TMEM131: variants seen among roughly 807,000 people sequenced by gnomAD.
TMEM131 encodes 2610524E03Rik.
TMEM131 carries 66 observed loss-of-function variants against 211.6 expected under a neutral mutation model. The observed-to-expected ratio is 0.31, with a 90% CI of 0.26 to 0.38. The LOEUF is 0.38. Among genes scored for constraint, TMEM131 ranks in the 10% least tolerant of loss-of-function variants. The pLI is 1.00. For synonymous variants in TMEM131, 844 were observed against 841.3 expected (o/e 1.00, Z -0.06); for missense variants, 2,036 against 2,299.3 (o/e 0.89, Z 2.34).
chr2:97,987,604 T>C (rs1372162895), intron 1 of TMEM131, among the ~76,000 whole-genome samples: 1 of 152,184 alleles, frequency 6.6e-6, no homozygotes, highest in Non-Finnish European at 1.5e-5. Context: ...CGAAATACCT[T>C]AAGTACGCAG....
chr2:97,923,501 A>G (rs2104427022), intron 2 of TMEM131, among the ~76,000 whole-genome samples: 1 of 151,880 alleles, frequency 6.6e-6, no homozygotes, highest in East Asian at 1.9e-4. Flanking sequence ...ATGTGCCTGT[A>G]GTCCCCGCTA....
chr2:97,805,212 C>A lies in TMEM131; in HGVS notation c.2285-7G>T. On this transcript the variant is annotated splice_polypyrimidine_tract_variant and splice_region_variant and intron_variant, in intron 21 of 40. Transcript: ENST00000186436. ...GGCTGCACTTTGGGTTCAGCTAAAA[C>A]AAGGAAACATACTTAACCTGCATCT... 6.2e-7 allele frequency: 1 copy of A among 1,609,110 alleles called. No homozygotes were observed. The highest frequency in any genetic ancestry group is 8.5e-7 in the Non-Finnish European group (1 of 1,177,776).
At chr2:97,981,422 G>A (rs761089468) in intron 1 of TMEM131, among the ~76,000 whole-genome samples, 2 of 152,128 alleles carry the variant, frequency 1.3e-5, no homozygotes, top group Non-Finnish European at 2.9e-5. Flanking sequence ...TTCCATTAAG[G>A]TTGTATCTTT....
At chr2:97,923,162 G>A (rs535077280) in intron 2 of TMEM131, among the ~76,000 whole-genome samples, 25 of 152,202 alleles carry the variant, frequency 1.6e-4, no homozygotes, top group African/African-American at 4.8e-4. Flanking sequence ...TGTGGCACAC[G>A]CCTGTAATCC....
intron 5 of TMEM131, among the ~76,000 whole-genome samples, chr2:97,845,734 TAATG>T (rs1049067593): frequency 7.7e-5 from 9 of 116,478 alleles, no homozygotes; most frequent in Non-Finnish European, 1.2e-4. Context: ...GAGTAAAAAT[TAATG>T]AAATAGAAAA....
chr2:97,795,080 C>T lies in TMEM131; in HGVS notation c.3236G>A (p.Arg1079Gln), dbSNP rs766131305. ...TPDFTASRVIRELKFITTSGS... is the reference protein window; with the variant it reads ...TPDFTASRVIQELKFITTSGS... ...ACTGGTTGTTATAAACTTCAGTTCC[C>T]GAATAACTCTAGAAGCTGTAAAATC... The change falls in exon 29 of 41, where the codon CGG becomes CAG. Residue 1079 changes from arginine (R) to glutamine (Q), a missense_variant. Around this residue, in one of 3 missense-constraint regions of TMEM131, gnomAD observed 1,623 missense variants for 1,805.9 expected, o/e 0.90. Transcript: ENST00000186436. The T allele has an allele frequency of 2.5e-6, 4 of 1,613,402 alleles. No individual in the cohort carries two copies. Among genetic ancestry groups the T allele is most frequent in the Non-Finnish European group, 3.4e-6 (4 of 1,179,696 alleles).
chr2:97,805,243 CACTT>C (rs745567250), intron 21 of TMEM131, 38 bp from the exon 22 acceptor site: 2 of 1,585,582 alleles, frequency 1.3e-6, no homozygotes, highest in Middle Eastern at 1.7e-4. Flanking sequence ...CATCTATACT[CACTT>C]GTCAATTTTC....
intron 5 of TMEM131, among the ~76,000 whole-genome samples, chr2:97,851,602 C>G (rs547502467): frequency 6.6e-6 from 1 of 152,338 alleles, no homozygotes; most frequent in African/African-American, 2.4e-5. Flanking sequence ...CTTTCTATCT[C>G]TGTGTCACAT....
At chr2:97,977,711 T>C (rs905143417) in intron 1 of TMEM131, among the ~76,000 whole-genome samples, 17 of 152,348 alleles carry the variant, frequency 1.1e-4, no homozygotes, top group African/African-American at 3.6e-4. Context: ...CATAATCTTT[T>C]GGCTAGTGGA....
rs1680171714 is a variant in TMEM131, at chr2:97,989,525, A to G, written c.187+5951T>C. Reference sequence around the variant, plus strand: ...TATAGACTTCCAGCTTTACATGAAGAAGTTCTGAAGATCTGCTACACAACA... The same window carrying G: ...TATAGACTTCCAGCTTTACATGAAGGAGTTCTGAAGATCTGCTACACAACA... On this transcript the variant is annotated intron_variant, in intron 1 of 40. Coordinates refer to ENST00000186436, the MANE Select transcript of TMEM131 (RefSeq NM_015348.2). 1.3e-5 allele frequency among the ~76,000 whole-genome samples: 2 copies of G among 149,170 alleles called. 1 individual carries two copies. The highest frequency in any genetic ancestry group is 4.2e-4 in the South Asian group (2 of 4,778).
chr2:97,992,537 T>C (rs2104687787), intron 1 of TMEM131, among the ~76,000 whole-genome samples: 1 of 152,294 alleles, frequency 6.6e-6, no homozygotes, highest in South Asian at 2.1e-4. Context: ...CTTATTCGAA[T>C]TTATATTTAC....
At position 97,760,984 on chromosome 2, in the gene TMEM131, G is replaced by C. The variant is rs749058344; in HGVS notation, c.4890-70C>G. On this transcript the variant is annotated intron_variant, in intron 36 of 40. Transcript: ENST00000186436. ...CCCTGTCTCGGGGAGGTGTGGGGCT[G>C]GCAGGACTGAGCCCTGAGTGGGCTT... is the stretch of plus-strand genomic sequence containing the variant. 4 of 1,589,252 alleles carry C rather than the reference G, an allele frequency of 2.5e-6. No individual in the cohort carries two copies. In the East Asian group the frequency reaches 8.9e-5, roughly 36 times the overall value.
Position 97,796,386 on chromosome 2 carries a change from G to C in TMEM131, c.3032C>G (p.Pro1011Arg). 6.6e-7 allele frequency: 1 copy of C among 1,524,136 alleles called. No homozygotes were observed. The highest frequency in any genetic ancestry group is 8.8e-7 in the Non-Finnish European group (1 of 1,138,480). 94.4% of individuals were successfully genotyped at this position (1,524,136 alleles called of 1,614,324 possible). ...AAATGTTCTTTTCAATGTGAAATTT[G>C]GTTCTCTTAGTTTTAAACCTAAAGG... is the stretch of plus-strand genomic sequence containing the variant. ...DCTDSLKLRE[P>R]NFTLKRTFKV... Residue 1011 changes from proline to arginine, a missense_variant, in exon 28 of 41, where the codon CCA becomes CGA. By Grantham distance (103) the Pro-to-Arg change is moderately radical (BLOSUM62 -2). Around this residue, in one of 3 missense-constraint regions of TMEM131, gnomAD observed 1,623 missense variants for 1,805.9 expected, o/e 0.90. Coordinates refer to ENST00000186436, the MANE Select transcript of TMEM131 (RefSeq NM_015348.2).
At chr2:97,812,344 T>C (rs1326977790) in intron 17 of TMEM131, 77 bp downstream of exon 17, 10 of 1,458,822 alleles carry the variant, frequency 6.9e-6, no homozygotes, top group South Asian at 2.7e-5. Flanking sequence ...TAGTGATACA[T>C]GTAGCATAGC....
intron 1 of TMEM131, among the ~76,000 whole-genome samples, chr2:97,979,112 G>A (rs1415639269): frequency 3.9e-5 from 6 of 152,242 alleles, no homozygotes; most frequent in African/African-American, 1.2e-4. Flanking sequence ...TATTTTTTCC[G>A]AGCAGTAGGT....
chr2:97,894,677 CTGT>C (rs925081829), intron 3 of TMEM131, among the ~76,000 whole-genome samples: 21 of 152,210 alleles, frequency 1.4e-4, no homozygotes, highest in Non-Finnish European at 2.6e-4. Context: ...ATTTGGCTGT[CTGT>C]TATTAGCGTA....
At chr2:97,866,682 A>G (rs1340616151) in intron 4 of TMEM131, among the ~76,000 whole-genome samples, 2 of 151,832 alleles carry the variant, frequency 1.3e-5, no homozygotes, top group Non-Finnish European at 2.9e-5. Flanking sequence ...AAGTTTTGAT[A>G]TGTTTTGTTT....
intron 4 of TMEM131, among the ~76,000 whole-genome samples, chr2:97,869,882 G>A (rs1674424438): frequency 6.6e-6 from 1 of 152,160 alleles, no homozygotes. Context: ...AAGAATGCCT[G>A]GTTTATCTGC....
Position 97,761,008 on chromosome 2 carries a change from T to C in TMEM131, c.4890-94A>G. On this transcript the variant is annotated intron_variant, in intron 36 of 40. Transcript: ENST00000186436. Reference sequence around the variant, plus strand: ...TGGCAGGACTGAGCCCTGAGTGGGCTTCTCTGCAGCGGGGCAGCTCACAGA... The same window carrying C: ...TGGCAGGACTGAGCCCTGAGTGGGCCTCTCTGCAGCGGGGCAGCTCACAGA... 2.6e-6 allele frequency: 4 copies of C among 1,534,194 alleles called. No individual in the cohort carries two copies. The South Asian group carries it at 4.8e-5, about 18-fold the overall frequency.
Sources: gnomAD v4.1 joint callset for allele counts (sites outside exome capture counted in the v4.1 genomes callset) on GRCh38, gnomAD v4.1.1 for gene constraint, gnomAD v4.1.1 regional missense constraint, MANE v1.5 for transcripts, NCBI Gene and HGNC (gene_info 2026-07-23, HGNC 2026-07-21) for gene names.